The following ADAMTSL1 variants were observed in gnomAD, a reference collection of about 807,000 sequenced individuals.
ADAMTSL1 encodes the protein ADAMTS-like protein 1.
ADAMTSL1 carries 126 observed loss-of-function variants against 201.8 expected under a neutral mutation model. The observed-to-expected ratio is 0.62, with a 90% CI of 0.54 to 0.72. The LOEUF is 0.72. Among genes scored for constraint, ADAMTSL1 ranks in the 30% least tolerant of loss-of-function variants. ADAMTSL1 has a pLI of 0.00. For missense variants in ADAMTSL1, 2,679 were observed against 2,277.8 expected, an observed-to-expected ratio of 1.18 and a Z score of -3.59; for synonymous variants, 1,121 against 903.4, an observed-to-expected ratio of 1.24 and a Z score of -4.32.
At chr9:18,761,785 C>T (rs1820084679) in intron 16 of ADAMTSL1, among the ~76,000 whole-genome samples, 1 of 152,130 alleles carries the variant, frequency 6.6e-6, no homozygotes, top group Non-Finnish European at 1.5e-5. Flanking sequence ...CTAAAAATGC[C>T]TTTCATCAAT....
At chr9:18,055,784 G>T (rs1039779328) in intron 1 of ADAMTSL1, among the ~76,000 whole-genome samples, 6 of 152,172 alleles carry the variant, frequency 3.9e-5, no homozygotes, top group African/African-American at 7.2e-5. Flanking sequence ...ATAAAGCTCT[G>T]GTTTTGGCTT....
At chr9:18,321,078 C>T (rs1340195304) in intron 2 of ADAMTSL1, among the ~76,000 whole-genome samples, 1 of 152,060 alleles carries the variant, frequency 6.6e-6, no homozygotes, top group Non-Finnish European at 1.5e-5. Context: ...ACACTTTAAA[C>T]ATAAACCCAC....
At chr9:18,485,830 G>A (rs191319853) in intron 1 of ADAMTSL1, among the ~76,000 whole-genome samples, 2 of 152,296 alleles carry the variant, frequency 1.3e-5, no homozygotes, top group African/African-American at 4.8e-5. Context: ...AAGACAGCTG[G>A]GATGGCCACA....
At chr9:18,826,177 G>A in intron 21 of ADAMTSL1, 107 bp from the exon 22 acceptor site, 3 of 1,348,992 alleles carry the variant, frequency 2.2e-6, no homozygotes, top group Non-Finnish European at 3.1e-6. Flanking sequence ...TGTCCCTGTA[G>A]AGCAGCCCCA....
At chr9:18,318,099 C>T (rs1006983938) in intron 2 of ADAMTSL1, among the ~76,000 whole-genome samples, 1 of 152,114 alleles carries the variant, frequency 6.6e-6, no homozygotes, top group Non-Finnish European at 1.5e-5. Flanking sequence ...GAAGAGATGA[C>T]TAATGTAAAG....
At chr9:18,215,515 A>G (rs1351866672) in intron 2 of ADAMTSL1, among the ~76,000 whole-genome samples, 2 of 152,236 alleles carry the variant, frequency 1.3e-5, no homozygotes, top group Admixed American at 1.3e-4. Context: ...ATACACAGTA[A>G]TAATGAATAT....
intron 14 of ADAMTSL1, among the ~76,000 whole-genome samples, chr9:18,710,304 C>T (rs1832485185): frequency 6.6e-6 from 1 of 152,184 alleles, no homozygotes. Flanking sequence ...ACAGGGCTGG[C>T]CCAAGATACT....
chr9:18,871,351 G>C lies in ADAMTSL1; in HGVS notation c.4250-16480G>C, dbSNP rs78065393. ...TTCTAAGCTTCCATGTTATTACATAGTCTCAGTTTTCCTCTTCTCTCTCAA... is the reference window on the plus strand; with the variant it reads ...TTCTAAGCTTCCATGTTATTACATACTCTCAGTTTTCCTCTTCTCTCTCAA... On this transcript the variant is annotated intron_variant, in intron 23 of 28. Transcript: ENST00000380548. Among the ~76,000 whole-genome samples the C allele has an allele frequency of 9.0e-3, 1,376 of 152,096 alleles. 17 individuals carry two copies. Among genetic ancestry groups the C allele is most frequent in the African/African-American group, 0.028 (1,181 of 41,494 alleles).
chr9:18,050,037 T>A (rs1212293485), intron 1 of ADAMTSL1, among the ~76,000 whole-genome samples: 7 of 152,226 alleles, frequency 4.6e-5, no homozygotes, highest in Non-Finnish European at 8.8e-5. Flanking sequence ...TATCTATGTT[T>A]ACATATTCCT....
intron 1 of ADAMTSL1, among the ~76,000 whole-genome samples, chr9:18,033,394 C>T (rs907060016): frequency 2.0e-5 from 3 of 152,074 alleles, no homozygotes; most frequent in South Asian, 2.1e-4. Flanking sequence ...AGAAATAAAA[C>T]GTTAAAGAAA....
At chr9:18,906,014 T>C in intron 27 of ADAMTSL1, 123 bp downstream of exon 27, 1 of 859,440 alleles carries the variant, frequency 1.2e-6, no homozygotes, top group South Asian at 1.7e-5. Flanking sequence ...TGGGACTCCA[T>C]CTCCATTCAC....
At chr9:18,667,778 G>A (rs1445449855) in intron 9 of ADAMTSL1, among the ~76,000 whole-genome samples, 1 of 152,132 alleles carries the variant, frequency 6.6e-6, no homozygotes, top group African/African-American at 2.4e-5. Flanking sequence ...GGAAAAGATG[G>A]AATTCTAGAA....
chr9:18,714,488 A>G lies in ADAMTSL1; in HGVS notation c.1877-7048A>G, dbSNP rs1047416499. ...AACACCTCTATGCAAATAAACTAGAAAATCTAGAAGAAATGGATAAATTCC... is the reference window on the plus strand; with the variant it reads ...AACACCTCTATGCAAATAAACTAGAGAATCTAGAAGAAATGGATAAATTCC... On this transcript the variant is annotated intron_variant, in intron 14 of 28. Coordinates refer to ENST00000380548, the MANE Select transcript of ADAMTSL1 (RefSeq NM_001040272.6). Among the ~76,000 whole-genome samples, 23 of 152,248 alleles carry G rather than the reference A, an allele frequency of 1.5e-4. 1 individual carries two copies. Among genetic ancestry groups the G allele is most frequent in the Admixed American group, 1.2e-3 (19 of 15,294 alleles).
chr9:18,391,421 A>T (rs1008021031), intron 2 of ADAMTSL1, among the ~76,000 whole-genome samples: 1 of 152,124 alleles, frequency 6.6e-6, no homozygotes, highest in Admixed American at 6.5e-5. Context: ...ACTAGACAGG[A>T]TGTTACATAG....
At chr9:18,242,799 A>C (rs546588841) in intron 2 of ADAMTSL1, among the ~76,000 whole-genome samples, 2 of 152,264 alleles carry the variant, frequency 1.3e-5, no homozygotes, top group Admixed American at 6.5e-5. Context: ...CAAGGAGGTG[A>C]ACAATCTCTA....
chr9:18,749,190 T>C (rs995506712), intron 15 of ADAMTSL1, among the ~76,000 whole-genome samples: 2 of 152,128 alleles, frequency 1.3e-5, no homozygotes, highest in Non-Finnish European at 1.5e-5. Context: ...GACTCCAACA[T>C]ACCTTTTTTT....
intron 2 of ADAMTSL1, among the ~76,000 whole-genome samples, chr9:18,195,403 A>G (rs1829135390): frequency 6.6e-6 from 1 of 152,076 alleles, no homozygotes; most frequent in Non-Finnish European, 1.5e-5. Flanking sequence ...TCCTCCTAAC[A>G]TCCTAAAAGA....
At chr9:18,684,843 T>C in intron 13 of ADAMTSL1, 43 bp downstream of exon 13, 1 of 1,558,064 alleles carries the variant, frequency 6.4e-7, no homozygotes, top group Non-Finnish European at 8.7e-7. Context: ...TGAAACTGTT[T>C]TGTTTAAAGA....
At chr9:18,182,927 G>A (rs1215192455) in intron 2 of ADAMTSL1, among the ~76,000 whole-genome samples, 2 of 152,154 alleles carry the variant, frequency 1.3e-5, no homozygotes, top group African/African-American at 4.8e-5. Context: ...TAAGGAAACT[G>A]AAGCTGAACC....
Sources: allele counts gnomAD v4.1 joint callset (sites outside exome capture counted in the v4.1 genomes callset), GRCh38; gene constraint gnomAD v4.1.1; transcripts MANE v1.5; gene names NCBI Gene and HGNC (gene_info 2026-07-23, HGNC 2026-07-21).